CSMD1: variants seen among roughly 807,000 people sequenced by gnomAD.
CSMD1 encodes CUB and Sushi multiple domains 1.
Under a neutral mutation model 417.5 loss-of-function variants are expected in CSMD1, and 213 were observed. The observed-to-expected ratio is 0.51, with a 90% CI of 0.46 to 0.57. The LOEUF (loss-of-function observed/expected upper bound fraction) is 0.57, where lower values mean the gene tolerates loss of function less well. Among genes scored for constraint, CSMD1 ranks in the 20% least tolerant of loss-of-function variants. CSMD1 has a pLI of 0.00. For missense variants in CSMD1, 6,923 were observed against 4,529.7 expected (o/e 1.53, Z -15.17); for synonymous variants, 2,862 against 1,736.8 (o/e 1.65, Z -16.11).
At chr8:4,030,186 CT>C (rs1030431478) in intron 4 of CSMD1, among the ~76,000 whole-genome samples, 1 of 83,978 alleles carries the variant, frequency 1.2e-5, no homozygotes, top group Non-Finnish European at 2.3e-5. Context: ...TGGTAGCCTT[CT>C]TCTCACAGCT....
rs1290828757 is a variant in CSMD1 at position 2,938,181 on chromosome 8, A to C, written c.*404T>G. On this transcript the variant is annotated 3_prime_UTR_variant, in exon 70 of 70. Transcript: ENST00000635120. ...GGAAAAACAACACAAGAGAACACAT[A>C]TCGTGGTGCCACCATTCTGTCACCG... The C allele has an allele frequency of 6.0e-6, 1 of 165,818 alleles. No homozygotes were observed. Among genetic ancestry groups the C allele is most frequent in the Non-Finnish European group, 1.3e-5 (1 of 77,448 alleles). The allele number at this position is 165,818 out of a possible 1,614,324, so 10.3% of individuals were successfully genotyped here. A position where few individuals can be genotyped will look rare whatever the true frequency, so the allele number is the denominator to read the frequency against.
intron 5 of CSMD1, among the ~76,000 whole-genome samples, chr8:3,967,769 G>T (rs1300974021): frequency 6.6e-6 from 1 of 152,100 alleles, no homozygotes; most frequent in Non-Finnish European, 1.5e-5. Context: ...AATATTACGT[G>T]TGAACTAACT....
chr8:3,122,993 A>C (rs1027619479), intron 41 of CSMD1, among the ~76,000 whole-genome samples: 1 of 152,212 alleles, frequency 6.6e-6, no homozygotes, highest in African/African-American at 2.4e-5. Flanking sequence ...CGAAGGAAGA[A>C]TATTCAAACC....
intron 1 of CSMD1, among the ~76,000 whole-genome samples, chr8:4,755,683 C>T (rs529986102): frequency 1.3e-5 from 2 of 152,156 alleles, no homozygotes; most frequent in Non-Finnish European, 2.9e-5. Flanking sequence ...TTCAATAATT[C>T]GCAGTTAAAG....
intron 2 of CSMD1, among the ~76,000 whole-genome samples, chr8:4,612,753 C>G (rs903944157): frequency 2.6e-5 from 4 of 152,146 alleles, no homozygotes; most frequent in African/African-American, 9.7e-5. Context: ...GTGTGTGTAC[C>G]TGCAAATCTA....
chr8:3,639,834 A>G (rs1357674281), intron 7 of CSMD1, among the ~76,000 whole-genome samples: 1 of 152,244 alleles, frequency 6.6e-6, no homozygotes, highest in Non-Finnish European at 1.5e-5. Flanking sequence ...GCAAAAATCT[A>G]ATCATATTAT....
chr8:3,162,910 G>C (rs1217887259), intron 37 of CSMD1, among the ~76,000 whole-genome samples: 1 of 152,010 alleles, frequency 6.6e-6, no homozygotes, highest in African/African-American at 2.4e-5. Flanking sequence ...TTTTTTAAAG[G>C]CATCATATAA....
chr8:4,178,587 T>C (rs1244419044), intron 3 of CSMD1, among the ~76,000 whole-genome samples: 23 of 151,046 alleles, frequency 1.5e-4, no homozygotes, highest in Non-Finnish European at 2.8e-4. Context: ...CCAGGGCAAT[T>C]AGGCAGGAGA....
Position 4,557,187 on chromosome 8 carries a change from C to T in CSMD1, c.302+80155G>A, listed in dbSNP as rs552975630. ...AGCTCCATCAGTTAGAATTTGGTGA[C>T]GGATTCGAGGCTGAGTTCAAACCTG... is the stretch of plus-strand genomic sequence containing the variant. On this transcript the variant is annotated intron_variant, in intron 2 of 69. Transcript: ENST00000635120. Among the ~76,000 whole-genome samples, 21 of 152,208 alleles carry T rather than the reference C, an allele frequency of 1.4e-4. 3 individuals are homozygous for T. The South Asian group carries it at 3.7e-3, about 27-fold the overall frequency.
intron 3 of CSMD1, among the ~76,000 whole-genome samples, chr8:4,127,453 G>GAAAAAA (rs199764792): frequency 9.7e-6 from 1 of 102,726 alleles, no homozygotes; most frequent in Non-Finnish European, 1.9e-5. Flanking sequence ...AAGCATTAAT[G>GAAAAAA]AAAAAAAAAA....
intron 26 of CSMD1, among the ~76,000 whole-genome samples, chr8:3,263,303 T>G (rs762691456): frequency 6.6e-5 from 10 of 152,208 alleles, no homozygotes; most frequent in Non-Finnish European, 5.9e-5. Context: ...TTCACCATGT[T>G]GGCCAGGCTA....
chr8:3,030,401 T>C (rs1418106915), intron 50 of CSMD1, among the ~76,000 whole-genome samples: 1 of 152,024 alleles, frequency 6.6e-6, no homozygotes, highest in East Asian at 1.9e-4. Flanking sequence ...TTGATTAATT[T>C]ATTGAGCTGG....
intron 42 of CSMD1, among the ~76,000 whole-genome samples, chr8:3,111,804 C>T (rs911243456): frequency 1.4e-4 from 21 of 152,046 alleles, no homozygotes; most frequent in African/African-American, 4.6e-4. Context: ...TGCACTCCAG[C>T]ATGGGTGACA....
At chr8:4,722,225 C>T (rs1252716252) in intron 1 of CSMD1, among the ~76,000 whole-genome samples, 1 of 152,022 alleles carries the variant, frequency 6.6e-6, no homozygotes, top group East Asian at 1.9e-4. Context: ...TATTGCTTTG[C>T]TTGAGTACAC....
chr8:4,833,216 G>T (rs534222204), intron 1 of CSMD1, among the ~76,000 whole-genome samples: 1 of 152,176 alleles, frequency 6.6e-6, no homozygotes, highest in African/African-American at 2.4e-5. Flanking sequence ...AAAGAAAAGT[G>T]GATTAACTGA....
chr8:3,977,422 C>A lies in CSMD1; in HGVS notation c.818+20481G>T, dbSNP rs113091832. The stretch of plus-strand genomic sequence containing the variant: ...AAAGGTTTTGTTTTTGTTGTTGTTC[C>A]TGTTTTTTCCATGTTCTCTGAGTTG... On this transcript the variant is annotated intron_variant, in intron 5 of 69. Coordinates refer to ENST00000635120, the MANE Select transcript of CSMD1 (RefSeq NM_033225.6). Among the ~76,000 whole-genome samples, 1,438 of 152,156 alleles carry A rather than the reference C, an allele frequency of 9.5e-3. 19 individuals are homozygous for A. The highest frequency in any genetic ancestry group is 0.031 in the African/African-American group (1,292 of 41,500).
intron 42 of CSMD1, 97 bp downstream of exon 42, chr8:3,118,302 A>T (rs1359127528): frequency 1.2e-6 from 1 of 828,890 alleles, no homozygotes; most frequent in African/African-American, 1.8e-5. Flanking sequence ...TATTTATTGA[A>T]TACATTAATA....
chr8:3,612,093 G>A (rs531991249), intron 8 of CSMD1, among the ~76,000 whole-genome samples: 3 of 151,920 alleles, frequency 2.0e-5, no homozygotes, highest in Non-Finnish European at 4.4e-5. Flanking sequence ...ATTGAATATA[G>A]AAACATATAT....
At chr8:4,279,167 G>A (rs180680485) in intron 3 of CSMD1, among the ~76,000 whole-genome samples, 5 of 152,136 alleles carry the variant, frequency 3.3e-5, no homozygotes, top group East Asian at 3.9e-4. Context: ...TATTCCCCAT[G>A]CCAAGCTTCG....
Sources: allele counts gnomAD v4.1 joint callset (sites outside exome capture counted in the v4.1 genomes callset), GRCh38; gene constraint gnomAD v4.1.1; transcripts MANE v1.5; gene names NCBI Gene and HGNC (gene_info 2026-07-23, HGNC 2026-07-21).